The following SHC3 variants were observed in gnomAD, a reference collection of about 807,000 sequenced individuals.
SHC3 encodes the protein SHC adaptor protein 3.
In SHC3, 15 loss-of-function variants were observed where a neutral mutation model predicts 60.4. The ratio of observed to expected loss-of-function variants is 0.25; its 90% CI spans 0.17 to 0.38. The LOEUF (loss-of-function observed/expected upper bound fraction) is 0.38, where lower values mean the gene tolerates loss of function less well. Among genes scored for constraint, SHC3 ranks in the 10% least tolerant of loss-of-function variants. The pLI, the probability that SHC3 is intolerant of heterozygous loss-of-function variation, is 1.00. For missense variants in SHC3, 677 were observed against 786.1 expected (o/e 0.86, Z 1.66); for synonymous variants, 294 against 325.9 (o/e 0.90, Z 1.05).
chr9:89,034,231 G>C (rs1311804617), intron 11 of SHC3, among the ~76,000 whole-genome samples: 1 of 152,200 alleles, frequency 6.6e-6, no homozygotes, highest in Non-Finnish European at 1.5e-5. Context: ...AGTTCCATGA[G>C]AGCAGAGATT....
chr9:89,177,600 G>C (rs1039142197), intron 1 of SHC3, among the ~76,000 whole-genome samples: 3 of 152,150 alleles, frequency 2.0e-5, no homozygotes, highest in South Asian at 4.1e-4. Context: ...CTCTCCTCCC[G>C]GGGGCTGCCC....
intron 1 of SHC3, 124 bp from the exon 2 acceptor site, chr9:89,112,750 C>G (rs75125050): frequency 5.4e-6 from 4 of 738,876 alleles, no homozygotes; most frequent in Non-Finnish European, 8.2e-6. Flanking sequence ...ACTTTAAATT[C>G]TAGGGTGAGG....
intron 11 of SHC3, among the ~76,000 whole-genome samples, chr9:89,030,827 G>A (rs187855981): frequency 3.9e-5 from 6 of 152,272 alleles, no homozygotes; most frequent in Non-Finnish European, 7.4e-5. Flanking sequence ...TGAAAAACAA[G>A]ATATTTGTCT....
chr9:89,153,942 C>T (rs1022645884), intron 1 of SHC3, among the ~76,000 whole-genome samples: 17 of 152,160 alleles, frequency 1.1e-4, no homozygotes, highest in African/African-American at 3.6e-4. Context: ...ACATTCCCTT[C>T]GTTCCTCCTG....
chr9:89,137,374 C>T (rs189576141), intron 1 of SHC3, among the ~76,000 whole-genome samples: 2 of 152,240 alleles, frequency 1.3e-5, no homozygotes, highest in East Asian at 3.9e-4. Flanking sequence ...AGGATCTCAA[C>T]ACATTATGGT....
chr9:89,127,290 A>G (rs1445186222), intron 1 of SHC3, among the ~76,000 whole-genome samples: 3 of 152,132 alleles, frequency 2.0e-5, no homozygotes, highest in Admixed American at 6.6e-5. Context: ...AGCACCTGGG[A>G]GGTTACCTTT....
At chr9:89,083,948 CCA>C (rs1341069704) in intron 2 of SHC3, among the ~76,000 whole-genome samples, 1 of 152,162 alleles carries the variant, frequency 6.6e-6, no homozygotes, top group African/African-American at 2.4e-5. Flanking sequence ...TGGCTTCTTC[CCA>C]GTTTCATCCA....
At chr9:89,119,396 G>C (rs1826060235) in intron 1 of SHC3, among the ~76,000 whole-genome samples, 1 of 151,858 alleles carries the variant, frequency 6.6e-6, no homozygotes, top group South Asian at 2.1e-4. Context: ...GCCCTTCACA[G>C]GTTAAAAATA....
At chr9:89,095,483 G>T (rs938213325) in intron 2 of SHC3, among the ~76,000 whole-genome samples, 4 of 152,152 alleles carry the variant, frequency 2.6e-5, no homozygotes, top group African/African-American at 4.8e-5. Context: ...GTTGTCTAAT[G>T]GGGACAGAGT....
chr9:89,112,873 T>C (rs1825970316), intron 1 of SHC3, among the ~76,000 whole-genome samples: 1 of 152,194 alleles, frequency 6.6e-6, no homozygotes, highest in Admixed American at 6.5e-5. Context: ...TTCATCTTAT[T>C]TGGATGTACA....
intron 7 of SHC3, among the ~76,000 whole-genome samples, chr9:89,050,735 G>T (rs1228458760): frequency 6.6e-6 from 1 of 151,774 alleles, no homozygotes; most frequent in African/African-American, 2.4e-5. Flanking sequence ...ATTTATGCTG[G>T]TAGTACATGT....
chr9:89,101,098 T>A (rs1284812880), intron 2 of SHC3, among the ~76,000 whole-genome samples: 1 of 152,214 alleles, frequency 6.6e-6, no homozygotes, highest in Non-Finnish European at 1.5e-5. Flanking sequence ...TCATCAATGT[T>A]CAATAGTTCT....
At chr9:89,086,212 C>T (rs1180962277) in intron 2 of SHC3, among the ~76,000 whole-genome samples, 1 of 152,154 alleles carries the variant, frequency 6.6e-6, no homozygotes, top group East Asian at 1.9e-4. Context: ...ATTCAGATCC[C>T]CAGGCTGAGG....
intron 1 of SHC3, among the ~76,000 whole-genome samples, chr9:89,123,968 G>T (rs1461583304): frequency 6.6e-6 from 1 of 152,052 alleles, no homozygotes; most frequent in Non-Finnish European, 1.5e-5. Context: ...GGGCAAAAAG[G>T]GTCTCTTAAA....
At chr9:89,132,283 T>C (rs973514901) in intron 1 of SHC3, among the ~76,000 whole-genome samples, 1 of 152,206 alleles carries the variant, frequency 6.6e-6, no homozygotes, top group Non-Finnish European at 1.5e-5. Flanking sequence ...TGGAAGAACA[T>C]TCCATGCTCA....
chr9:89,154,878 G>C (rs1228539252), intron 1 of SHC3, among the ~76,000 whole-genome samples: 1 of 152,220 alleles, frequency 6.6e-6, no homozygotes, highest in African/African-American at 2.4e-5. Context: ...AAGGAAAAGA[G>C]CAAAGGAATG....
chr9:89,067,018 G>T (rs1418940976), intron 5 of SHC3, among the ~76,000 whole-genome samples: 8 of 152,172 alleles, frequency 5.3e-5, no homozygotes, highest in Admixed American at 4.6e-4. Flanking sequence ...CAATGGTGCT[G>T]CTTCCCCGGT....
intron 1 of SHC3, among the ~76,000 whole-genome samples, chr9:89,143,103 T>G (rs891979617): frequency 6.6e-6 from 1 of 152,120 alleles, no homozygotes; most frequent in African/African-American, 2.4e-5. Context: ...AGTAAAGTAA[T>G]AAGAGAATGG....
chr9:89,065,553 C>T lies in SHC3; in HGVS notation c.811G>A (p.Ala271Thr), dbSNP rs146491250. The T allele has an allele frequency of 6.2e-7, 1 of 1,614,078 alleles. No individual in the cohort carries two copies. Among genetic ancestry groups the T allele is most frequent in the Non-Finnish European group, 8.5e-7 (1 of 1,180,006 alleles). ...PDTTDYVAYV[A>T]KDPVNRRACH... The stretch of plus-strand genomic sequence containing the variant: ...CCTCTGCGATTAACAGGGTCCTTAG[C>T]CACATATGCAACATAGTCAGTTGTG... The change falls in exon 6 of 12, where the codon GCT becomes ACT. Residue 271 changes from alanine (A) to threonine (T), a missense_variant. Coordinates refer to ENST00000375835, the MANE Select transcript of SHC3 (RefSeq NM_016848.6).
Sources: gnomAD v4.1 joint callset for allele counts (sites outside exome capture counted in the v4.1 genomes callset) on GRCh38, gnomAD v4.1.1 for gene constraint, MANE v1.5 for transcripts, NCBI Gene and HGNC (gene_info 2026-07-23, HGNC 2026-07-21) for gene names.